The following PPFIA2 variants were observed in gnomAD, a reference collection of about 807,000 sequenced individuals.
The protein encoded by PPFIA2 is liprin-alpha-2.
In PPFIA2, 46 loss-of-function variants were observed where a neutral mutation model predicts 175.5. The observed-to-expected ratio is 0.26, with a 90% CI of 0.21 to 0.34. The LOEUF (loss-of-function observed/expected upper bound fraction) is 0.34, where lower values mean the gene tolerates loss of function less well. PPFIA2 is among the 10% of genes least tolerant of loss of function. The probability of loss-of-function intolerance (pLI) is 1.00; values close to 1 mark genes in which losing one functional copy is unlikely to be tolerated. For synonymous variants in PPFIA2, 568 were observed against 511.4 expected, an observed-to-expected ratio of 1.11 and a Z score of -1.49; for missense variants, 1,179 against 1,506.1, an observed-to-expected ratio of 0.78 and a Z score of 3.60.
At chr12:81,371,308 TATTTAAATTTTAGA>T (rs2035040241) in intron 11 of PPFIA2, among the ~76,000 whole-genome samples, 1 of 8,128 alleles carries the variant, frequency 1.2e-4, no homozygotes, top group Non-Finnish European at 2.6e-4. Context: ...TAAATAATAT[TATTTAAATTTTAGA>T]GTAAGTGGAT....
chr12:81,624,493 G>T (rs888137752), intron 4 of PPFIA2, among the ~76,000 whole-genome samples: 2 of 144,974 alleles, frequency 1.4e-5, no homozygotes, highest in Non-Finnish European at 3.0e-5. Flanking sequence ...ATACATTAAT[G>T]ATACTATATA....
At chr12:81,357,943 T>G in intron 16 of PPFIA2, 139 bp downstream of exon 16, 1 of 899,418 alleles carries the variant, frequency 1.1e-6, no homozygotes, top group East Asian at 2.8e-5. Flanking sequence ...ACTTATAGTT[T>G]TTTTAAAAAT....
chr12:81,430,003 A>T (rs1043318670), intron 7 of PPFIA2: 5 of 152,126 alleles, frequency 3.3e-5, no homozygotes, highest in African/African-American at 9.7e-5. Context: ...TCCTTAGCAG[A>T]TAACCCATCT....
At chr12:81,270,079 A>C (rs2038623036) in intron 28 of PPFIA2, among the ~76,000 whole-genome samples, 2 of 152,244 alleles carry the variant, frequency 1.3e-5, no homozygotes, top group African/African-American at 4.8e-5. Flanking sequence ...GAAATAAAAA[A>C]ACAATAAATA....
At chr12:81,286,414 T>A (rs2137280261) in intron 24 of PPFIA2, among the ~76,000 whole-genome samples, 1 of 152,160 alleles carries the variant, frequency 6.6e-6, no homozygotes, top group South Asian at 2.1e-4. Flanking sequence ...TTATCTTTTA[T>A]ACTATATTTT....
chr12:81,718,706 G>T (rs910139859), intron 3 of PPFIA2, among the ~76,000 whole-genome samples: 1 of 151,552 alleles, frequency 6.6e-6, no homozygotes, highest in African/African-American at 2.4e-5. Flanking sequence ...TGAAGAAAAT[G>T]CTGCTATAAA....
intron 6 of PPFIA2, among the ~76,000 whole-genome samples, chr12:81,441,389 A>G (rs192832319): frequency 6.6e-6 from 1 of 152,162 alleles, no homozygotes; most frequent in Admixed American, 6.5e-5. Flanking sequence ...AATATTAATT[A>G]TATTTTGTTA....
chr12:81,417,400 G>C (rs1475842928), intron 7 of PPFIA2: 1 of 150,516 alleles, frequency 6.6e-6, no homozygotes, highest in Non-Finnish European at 1.5e-5. Context: ...CGAAATTATA[G>C]GCTGTGTCCT....
intron 4 of PPFIA2, among the ~76,000 whole-genome samples, chr12:81,577,334 T>C (rs777059481): frequency 1.3e-5 from 2 of 151,888 alleles, no homozygotes; most frequent in Non-Finnish European, 2.9e-5. Context: ...ATTGGTTCCC[T>C]CCTGTATGAA....
At chr12:81,344,629 T>C in intron 19 of PPFIA2, 35 bp downstream of exon 19, 1 of 1,458,378 alleles carries the variant, frequency 6.9e-7, no homozygotes, top group Non-Finnish European at 9.3e-7. Flanking sequence ...AAAACAGTAT[T>C]CAATTCGTAA....
intron 4 of PPFIA2, among the ~76,000 whole-genome samples, chr12:81,499,870 T>C (rs2060413109): frequency 6.6e-6 from 1 of 152,126 alleles, no homozygotes; most frequent in Non-Finnish European, 1.5e-5. Context: ...TGAGATTCTG[T>C]GTCTGGGTCC....
Position 81,405,894 on chromosome 12 carries a change from A to G in PPFIA2, c.655T>C (p.Leu219=), listed in dbSNP as rs1455404732. Reference sequence around the variant, plus strand: ...TGTATATGAACATTTTGTTCACGCAAGGCAACAATCTGCAAAATAAAAGCA... The same window carrying G: ...TGTATATGAACATTTTGTTCACGCAGGGCAACAATCTGCAAAATAAAAGCA... ...LAAANQEIVA[L]REQNVHIQRK... The change falls in exon 8 of 33, where the codon TTG becomes CTG. Residue 219 remains leucine (L), a synonymous_variant. Coordinates refer to ENST00000549396, the MANE Select transcript of PPFIA2 (RefSeq NM_003625.5). 6.4e-7 allele frequency: 1 copy of G among 1,558,784 alleles called. No homozygotes were observed. Among genetic ancestry groups the G allele is most frequent in the Non-Finnish European group, 8.7e-7 (1 of 1,149,222 alleles).
At chr12:81,278,763 T>C (rs1236454046) in intron 27 of PPFIA2, among the ~76,000 whole-genome samples, 1 of 152,088 alleles carries the variant, frequency 6.6e-6, no homozygotes, top group African/African-American at 2.4e-5. Flanking sequence ...ATGCAGAAGA[T>C]GTGATAGGAA....
Position 81,413,663 on chromosome 12 carries a change from T to A in PPFIA2, c.646-7760A>T, listed in dbSNP as rs1290903029. 2.0e-5 allele frequency among the ~76,000 whole-genome samples: 3 copies of A among 151,838 alleles called. No homozygotes were observed. In the East Asian group the frequency reaches 5.8e-4, roughly 29 times the overall value. On this transcript the variant is annotated intron_variant, in intron 7 of 32. Transcript: ENST00000549396. ...CATCTTAAAATATAACATTAAAATG[T>A]ATTCTCAAGTATACTGCAGCTTAGG... is the stretch of plus-strand genomic sequence containing the variant.
chr12:81,573,405 T>G (rs1447192490), intron 4 of PPFIA2, among the ~76,000 whole-genome samples: 1 of 151,912 alleles, frequency 6.6e-6, no homozygotes, highest in Non-Finnish European at 1.5e-5. Context: ...AGAGCTTAGA[T>G]CGCCATTCTG....
rs150246279 is a variant in PPFIA2, at chr12:81,444,783, G to A, written c.570+773C>T. On this transcript the variant is annotated intron_variant, in intron 6 of 32. Coordinates refer to ENST00000549396, the MANE Select transcript of PPFIA2 (RefSeq NM_003625.5). Reference sequence around the variant, plus strand: ...TGGATTTTAATGCTCAGAACTTGTCGGATACTTTACAATGAAGTGTCCCAA... The same window carrying A: ...TGGATTTTAATGCTCAGAACTTGTCAGATACTTTACAATGAAGTGTCCCAA... 2.6e-3 allele frequency among the ~76,000 whole-genome samples: 399 copies of A among 152,006 alleles called. 1 individual carries two copies. The highest frequency in any genetic ancestry group is 9.1e-3 in the African/African-American group (378 of 41,488).
rs111819801 is a variant in PPFIA2, at chr12:81,320,915, G to T, written c.2642+4862C>A. Among the ~76,000 whole-genome samples, 5 of 152,070 alleles carry T rather than the reference G, an allele frequency of 3.3e-5. 1 individual carries two copies. The highest frequency in any genetic ancestry group is 1.2e-4 in the African/African-American group (5 of 41,528). On this transcript the variant is annotated intron_variant, in intron 22 of 32. Coordinates refer to ENST00000549396, the MANE Select transcript of PPFIA2 (RefSeq NM_003625.5). Reference sequence around the variant, plus strand: ...AGTGTAGAAATGTGAGTCCTCTAGAGTAACAGTTGTCAGATAGTCCAGCAT... The same window carrying T: ...AGTGTAGAAATGTGAGTCCTCTAGATTAACAGTTGTCAGATAGTCCAGCAT...
chr12:81,727,428 G>A (rs1317924660), intron 3 of PPFIA2, among the ~76,000 whole-genome samples: 2 of 151,338 alleles, frequency 1.3e-5, no homozygotes, highest in Admixed American at 1.3e-4. Flanking sequence ...TGATAGAAAA[G>A]TAATATAATT....
rs386377148 is a variant in PPFIA2 at position 81,407,524 on chromosome 12, A to AAATAAAATAAAATAC, written c.646-1622_646-1621insGTATTTTATTTTATT. On this transcript the variant is annotated intron_variant, in intron 7 of 32. Transcript: ENST00000549396. ...AAATAAAATAAAATAAAATAAAATA[A>AAATAAAATAAAATAC]AATACTTTAAAATTTTGTTAAAAAA... Among the ~76,000 whole-genome samples the AAATAAAATAAAATAC allele has an allele frequency of 5.0e-3, 754 of 150,604 alleles. 14 individuals carry two copies. The highest frequency in any genetic ancestry group is 0.017 in the African/African-American group (712 of 40,782).
Sources: gnomAD v4.1 joint callset for allele counts (sites outside exome capture counted in the v4.1 genomes callset) on GRCh38, gnomAD v4.1.1 for gene constraint, MANE v1.5 for transcripts, NCBI Gene and HGNC (gene_info 2026-07-23, HGNC 2026-07-21) for gene names.